Variants in CELA3B observed in about 807,000 individuals in gnomAD.
CELA3B encodes chymotrypsin-like elastase family member 3B.
Under a neutral mutation model 37.2 loss-of-function variants are expected in CELA3B, and 34 were observed. That is an observed-to-expected ratio of 0.91 (90% CI 0.70 to 1.22). CELA3B has a LOEUF of 1.22. Among genes scored for constraint, CELA3B ranks in the 50% most tolerant of loss-of-function variants. The probability of loss-of-function intolerance (pLI) is 0.00; values close to 1 mark genes in which losing one functional copy is unlikely to be tolerated. For synonymous variants in CELA3B, 127 were observed against 143.5 expected (o/e 0.89, Z 0.82); for missense variants, 340 against 363.1 (o/e 0.94, Z 0.52).
intron 4 of CELA3B, among the ~76,000 whole-genome samples, chr1:21,996,290 C>T (rs1281927043): frequency 6.6e-6 from 1 of 151,014 alleles, no homozygotes; most frequent in African/African-American, 2.5e-5. Context: ...GATAGGAGAT[C>T]CACACAAAAT....
intron 4 of CELA3B, chr1:21,998,028 G>T: frequency 2.5e-6 from 1 of 407,994 alleles, no homozygotes; most frequent in Non-Finnish European, 5.2e-6. Flanking sequence ...AAAGCTAATC[G>T]ATAACACAAA....
At chr1:21,998,319 A>C (rs956560489) in exon 5 of CELA3B, 14 of 433,162 alleles carry the variant, frequency 3.2e-5, no homozygotes, top group Admixed American at 5.1e-5. Flanking sequence ...TTCTTCACTG[A>C]GTGCCCACTG....
At chr1:21,993,131 A>G (rs913401622), downstream of CELA3B, among the ~76,000 whole-genome samples, 2 of 151,378 alleles carry the variant, frequency 1.3e-5, no homozygotes, top group African/African-American at 2.4e-5. Context: ...AATTTTCTTT[A>G]AATCAACAAA....
intron 7 of CELA3B, 168 bp downstream of exon 7, chr1:21,986,851 T>C: frequency 4.0e-6 from 3 of 757,260 alleles, no homozygotes; most frequent in Admixed American, 3.0e-5. Context: ...TCTGATACAG[T>C]GTGACCCCAG....
chr1:21,981,204 G>C, intron 4 of CELA3B, 32 bp downstream of exon 4: 6 of 1,606,974 alleles, frequency 3.7e-6, no homozygotes, highest in Non-Finnish European at 5.1e-6. Flanking sequence ...GAACCCAGAG[G>C]CTCCTCTACT....
At chr1:21,991,770 A>G (rs61778002), downstream of CELA3B, among the ~76,000 whole-genome samples, 72,911 of 150,882 alleles carry the variant, frequency 0.48, 21,714 homozygotes, top group Middle Eastern at 0.71. Context: ...GGAGGGATTG[A>G]AGTGGAAGCT....
intron 4 of CELA3B, among the ~76,000 whole-genome samples, chr1:21,981,971 C>T (rs1189660491): frequency 4.6e-5 from 7 of 152,024 alleles, no homozygotes; most frequent in East Asian, 1.9e-4. Context: ...GTGATCTGCC[C>T]GCCTCGGCCT....
chr1:21,997,311 A>G (rs1194076876), intron 4 of CELA3B, among the ~76,000 whole-genome samples: 1 of 142,852 alleles, frequency 7.0e-6, no homozygotes, highest in Non-Finnish European at 1.5e-5. Context: ...CAGTGAGCTG[A>G]GATCGTGCCA....
chr1:21,984,407 G>A (rs1644826193), intron 6 of CELA3B, 76 bp downstream of exon 6: 58 of 1,554,616 alleles, frequency 3.7e-5, no homozygotes, highest in Non-Finnish European at 4.5e-5. Flanking sequence ...CCTGGAAGGT[G>A]GAGGAAGGAT....
exon 5 of CELA3B, chr1:21,998,422 A>G (rs1644900304): frequency 3.3e-6 from 1 of 306,544 alleles, no homozygotes; most frequent in African/African-American, 2.2e-5. Flanking sequence ...TCCATTTATC[A>G]TCAAACATCT....
At chr1:21,978,848 G>A (rs1033646585) in intron 2 of CELA3B, among the ~76,000 whole-genome samples, 1 of 151,740 alleles carries the variant, frequency 6.6e-6, no homozygotes, top group African/African-American at 2.4e-5. Flanking sequence ...GTGGAGGGAA[G>A]CTCAGAAGGC....
chr1:21,984,804 A>C (rs1644828078), intron 6 of CELA3B, among the ~76,000 whole-genome samples: 1 of 151,858 alleles, frequency 6.6e-6, no homozygotes, highest in African/African-American at 2.4e-5. Context: ...AAAATTAGCC[A>C]GGCATGGTGG....
chr1:21,978,355 C>T lies in CELA3B; in HGVS notation c.44-14C>T. On this transcript the variant is annotated splice_polypyrimidine_tract_variant and intron_variant, in intron 1 of 7. Coordinates refer to ENST00000337107, the MANE Select transcript of CELA3B (RefSeq NM_007352.4). ...GACCCTCCCGCTGATTGACAGCTCTCCTCTCCCCTCTAGCCTCAGGCTATG... is the reference window on the plus strand; with the variant it reads ...GACCCTCCCGCTGATTGACAGCTCTTCTCTCCCCTCTAGCCTCAGGCTATG... 1.4e-5 allele frequency: 22 copies of T among 1,613,972 alleles called. No homozygotes were observed. The highest frequency in any genetic ancestry group is 1.7e-5 in the Non-Finnish European group (20 of 1,179,842).
chr1:21,996,959 C>G (rs1413053494), intron 4 of CELA3B, among the ~76,000 whole-genome samples: 2 of 151,298 alleles, frequency 1.3e-5, no homozygotes, highest in Non-Finnish European at 2.9e-5. Context: ...CTGTAGTCAT[C>G]AAAGAGATCA....
At chr1:21,994,877 C>T (rs1644883583) in intron 4 of CELA3B, among the ~76,000 whole-genome samples, 1 of 149,916 alleles carries the variant, frequency 6.7e-6, no homozygotes, top group African/African-American at 2.5e-5. Flanking sequence ...TGGTGCGTGC[C>T]TGCAGTCCCA....
At chr1:21,986,093 G>T (rs568089205) in intron 6 of CELA3B, among the ~76,000 whole-genome samples, 173 of 145,348 alleles carry the variant, frequency 1.2e-3, no homozygotes, top group Non-Finnish European at 1.4e-3. Flanking sequence ...GAGTCAGCTG[G>T]CTGGGCGTGG....
rs565633775 is a variant in CELA3B at position 21,980,131 on chromosome 1, C to G, written c.130-693C>G. On this transcript the variant is annotated intron_variant, in intron 2 of 7. Transcript: ENST00000337107. ...ATGGGAAGAGAGGCAAAGAACTCAT[C>G]AGGGTGAGCTGTGCTTCAGAAGGCT... Among the ~76,000 whole-genome samples the G allele has an allele frequency of 3.6e-4, 44 of 120,682 alleles. No individual in the cohort carries two copies. The South Asian group carries it at 0.014, about 38-fold the overall frequency. The allele number at this position is 120,682 out of a possible 152,430, so 79.2% of individuals were successfully genotyped here. A position where few individuals can be genotyped will look rare whatever the true frequency, so the allele number is the denominator to read the frequency against.
exon 5 of CELA3B, chr1:21,998,194 A>G: frequency 2.1e-6 from 1 of 470,326 alleles, no homozygotes; most frequent in Non-Finnish European, 4.4e-6. Context: ...ACTTAGGACC[A>G]CTGTGTGTGA....
intron 6 of CELA3B, among the ~76,000 whole-genome samples, chr1:21,985,431 C>T (rs1394004689): frequency 3.9e-5 from 6 of 152,068 alleles, no homozygotes. Context: ...GTGTGTGCCA[C>T]AATGCCTAGC....
Sources: gnomAD v4.1 joint callset for allele counts (sites outside exome capture counted in the v4.1 genomes callset) on GRCh38, gnomAD v4.1.1 for gene constraint, MANE v1.5 for transcripts, NCBI Gene and HGNC (gene_info 2026-07-23, HGNC 2026-07-21) for gene names.